The following CDH13 variants were observed in gnomAD, a reference collection of about 807,000 sequenced individuals.
CDH13 encodes the protein cadherin 13.
Under a neutral mutation model 63.8 loss-of-function variants are expected in CDH13, and 24 were observed. That is an observed-to-expected ratio of 0.38 (90% CI 0.27 to 0.53). The LOEUF (loss-of-function observed/expected upper bound fraction) is 0.53. Ranked by LOEUF, CDH13 falls within the 20% of genes least tolerant of loss-of-function variation. The pLI is 0.85. For synonymous variants in CDH13, 503 were observed against 355.3 expected (o/e 1.42, Z -4.67); for missense variants, 1,049 against 903.1 (o/e 1.16, Z -2.07).
intron 1 of CDH13, among the ~76,000 whole-genome samples, chr16:82,718,646 A>G (rs910810473): frequency 6.6e-6 from 1 of 152,202 alleles, no homozygotes; most frequent in Non-Finnish European, 1.5e-5. Context: ...GAGGCCTGGC[A>G]ATCATGGTGG....
At chr16:82,834,099 A>G (rs532964146) in intron 1 of CDH13, among the ~76,000 whole-genome samples, 31 of 152,242 alleles carry the variant, frequency 2.0e-4, no homozygotes, top group Admixed American at 1.9e-3. Context: ...ATTGCTTTGT[A>G]TTTTTTATAT....
chr16:83,779,611 C>G (rs1370025308), intron 11 of CDH13, among the ~76,000 whole-genome samples: 4 of 151,972 alleles, frequency 2.6e-5, no homozygotes, highest in South Asian at 4.2e-4. Context: ...TTGCTTGACG[C>G]CAGGAGTTTG....
intron 10 of CDH13, among the ~76,000 whole-genome samples, chr16:83,694,424 T>C (rs1905185390): frequency 6.6e-6 from 1 of 152,060 alleles, no homozygotes; most frequent in Non-Finnish European, 1.5e-5. Context: ...CTATGAGGGA[T>C]GATAAAGGAT....
chr16:82,731,779 T>A (rs2033416662), intron 1 of CDH13, among the ~76,000 whole-genome samples: 1 of 152,272 alleles, frequency 6.6e-6, no homozygotes, highest in Admixed American at 6.5e-5. Context: ...GTTTTATTAT[T>A]TGTAAATTAT....
chr16:83,413,462 C>A (rs929641345), intron 6 of CDH13, among the ~76,000 whole-genome samples: 3 of 152,154 alleles, frequency 2.0e-5, no homozygotes, highest in Non-Finnish European at 2.9e-5. Flanking sequence ...ACTAATCATC[C>A]CTTTGCTGAG....
Position 83,698,876 on chromosome 16 carries a change from T to A in CDH13, c.1538+20415T>A, listed in dbSNP as rs188336745. 1.5e-3 allele frequency among the ~76,000 whole-genome samples: 224 copies of A among 152,370 alleles called. 1 individual carries two copies. The highest frequency in any genetic ancestry group is 5.0e-3 in the African/African-American group (206 of 41,592). On this transcript the variant is annotated intron_variant, in intron 10 of 13. Coordinates refer to ENST00000567109, the MANE Select transcript of CDH13 (RefSeq NM_001257.5). ...ATCGTAATCCAAAAGCTGCCACATC[T>A]GTGAATAGGCATGGCTGTGTTCCAA... is the stretch of plus-strand genomic sequence containing the variant.
intron 2 of CDH13, among the ~76,000 whole-genome samples, chr16:83,031,631 T>C (rs563359373): frequency 2.2e-4 from 34 of 152,142 alleles, no homozygotes; most frequent in African/African-American, 7.9e-4. Context: ...ATTGACTCTG[T>C]GCAGCTCTCC....
intron 8 of CDH13, among the ~76,000 whole-genome samples, chr16:83,655,512 G>A (rs868167944): frequency 2.1e-4 from 32 of 152,168 alleles, no homozygotes; most frequent in African/African-American, 6.5e-4. Context: ...AACGACACAG[G>A]TAGAGTCCTG....
intron 4 of CDH13, among the ~76,000 whole-genome samples, chr16:83,183,472 G>A (rs990969414): frequency 1.3e-5 from 2 of 152,222 alleles, no homozygotes; most frequent in Non-Finnish European, 2.9e-5. Flanking sequence ...TGCTACACAT[G>A]GGAATTGGGT....
intron 10 of CDH13, among the ~76,000 whole-genome samples, chr16:83,699,220 A>G (rs900307004): frequency 1.3e-5 from 2 of 152,244 alleles, no homozygotes; most frequent in Non-Finnish European, 2.9e-5. Context: ...GTGGCAGCCC[A>G]TTCATCATCA....
Position 83,406,840 on chromosome 16 carries a change from G to A in CDH13, c.781+61834G>A, listed in dbSNP as rs1386837821. On this transcript the variant is annotated intron_variant, in intron 6 of 13. Coordinates refer to ENST00000567109, the MANE Select transcript of CDH13 (RefSeq NM_001257.5). ...AACTGAATTTTTTTTGTCTATCAAT[G>A]AAGATAGCAGAATCTACCTCAATAG... is the stretch of plus-strand genomic sequence containing the variant. Among the ~76,000 whole-genome samples, 5 of 152,172 alleles carry A rather than the reference G, an allele frequency of 3.3e-5. No individual in the cohort carries two copies. In the South Asian group the frequency reaches 8.3e-4, roughly 25 times the overall value.
intron 5 of CDH13, among the ~76,000 whole-genome samples, chr16:83,286,768 AT>A (rs2089325828): frequency 2.0e-5 from 2 of 98,410 alleles, no homozygotes; most frequent in African/African-American, 6.2e-5. Flanking sequence ...AAAAAAAAAA[AT>A]GTATATATAT....
At chr16:83,056,940 T>C (rs1038868155) in intron 3 of CDH13, among the ~76,000 whole-genome samples, 1 of 151,972 alleles carries the variant, frequency 6.6e-6, no homozygotes, top group Non-Finnish European at 1.5e-5. Flanking sequence ...GAACTGTGAG[T>C]CCATTAAACC....
At chr16:83,102,558 C>A (rs1336548262) in intron 3 of CDH13, among the ~76,000 whole-genome samples, 1 of 152,138 alleles carries the variant, frequency 6.6e-6, no homozygotes, top group Non-Finnish European at 1.5e-5. Flanking sequence ...ACTGGCTTCA[C>A]TCCAGGTGCT....
intron 9 of CDH13, among the ~76,000 whole-genome samples, chr16:83,671,174 C>A (rs1223930949): frequency 6.6e-6 from 1 of 152,196 alleles, no homozygotes; most frequent in Non-Finnish European, 1.5e-5. Flanking sequence ...TAAAACAAAC[C>A]TGTTTTATAG....
At chr16:83,362,393 G>A (rs1423898742) in intron 6 of CDH13, among the ~76,000 whole-genome samples, 1 of 152,186 alleles carries the variant, frequency 6.6e-6, no homozygotes, top group African/African-American at 2.4e-5. Context: ...TCAGCAAAAT[G>A]TGTAAGTGAA....
intron 5 of CDH13, among the ~76,000 whole-genome samples, chr16:83,282,423 G>A (rs1174690190): frequency 6.6e-6 from 1 of 152,154 alleles, no homozygotes; most frequent in African/African-American, 2.4e-5. Context: ...ACAATAAAAT[G>A]ACAATGACTT....
At chr16:83,625,963 C>A (rs1910257811) in intron 8 of CDH13, among the ~76,000 whole-genome samples, 1 of 151,650 alleles carries the variant, frequency 6.6e-6, no homozygotes, top group Non-Finnish European at 1.5e-5. Context: ...GAGTCCGATG[C>A]AGCAAGCAAC....
chr16:82,930,160 G>C (rs561221343), intron 2 of CDH13, among the ~76,000 whole-genome samples: 1 of 145,636 alleles, frequency 6.9e-6, no homozygotes, highest in South Asian at 2.2e-4. Context: ...GTATTTTTAA[G>C]AGAGATGGCA....
Sources: allele counts gnomAD v4.1 joint callset (sites outside exome capture counted in the v4.1 genomes callset), GRCh38; gene constraint gnomAD v4.1.1; transcripts MANE v1.5; gene names NCBI Gene and HGNC (gene_info 2026-07-23, HGNC 2026-07-21).